GRB14: variants seen among roughly 807,000 people sequenced by gnomAD.
The protein encoded by GRB14 is growth factor receptor-bound protein 14.
A neutral mutation model predicts 69.1 loss-of-function variants in GRB14; 38 were observed. That is an observed-to-expected ratio of 0.55 (90% CI 0.42 to 0.72). The LOEUF is 0.72. GRB14 is among the 30% of genes least tolerant of loss of function. The probability of loss-of-function intolerance (pLI) is 0.00; values close to 1 mark genes in which losing one functional copy is unlikely to be tolerated. For missense variants in GRB14, 666 were observed against 666.1 expected, an observed-to-expected ratio of 1.00 and a Z score of 0.00; for synonymous variants, 247 against 241.3, an observed-to-expected ratio of 1.02 and a Z score of -0.22.
intron 2 of GRB14, among the ~76,000 whole-genome samples, chr2:164,565,571 AC>A (rs1688950556): frequency 6.6e-6 from 1 of 152,206 alleles, no homozygotes; most frequent in Admixed American, 6.5e-5. Context: ...AAGTCACTCA[AC>A]ACCCAAGAGA....
chr2:164,497,517 A>T, intron 9 of GRB14, 27 bp from the exon 10 acceptor site: 1 of 1,370,282 alleles, frequency 7.3e-7, no homozygotes, highest in South Asian at 1.2e-5. Flanking sequence ...CATTTGAGTT[A>T]TGAAAATTTC....
intron 2 of GRB14, among the ~76,000 whole-genome samples, chr2:164,587,351 C>T (rs73028084): frequency 0.056 from 8,542 of 152,174 alleles, 823 homozygotes; most frequent in African/African-American, 0.19. Flanking sequence ...AATCAACATC[C>T]TTTATGTCTC....
chr2:164,524,508 G>A (rs965410924), intron 5 of GRB14, among the ~76,000 whole-genome samples: 1 of 152,046 alleles, frequency 6.6e-6, no homozygotes, highest in East Asian at 1.9e-4. Flanking sequence ...ACAATTCTAT[G>A]CAAGGATTTC....
chr2:164,525,158 C>CA, intron 4 of GRB14, 80 bp from the exon 5 acceptor site: 2 of 975,366 alleles, frequency 2.1e-6, no homozygotes, highest in South Asian at 2.9e-5. Context: ...TAATCAAAAG[C>CA]AAAAGTTCTT....
intron 3 of GRB14, among the ~76,000 whole-genome samples, chr2:164,534,998 A>G (rs903687328): frequency 6.6e-6 from 1 of 152,224 alleles, no homozygotes; most frequent in African/African-American, 2.4e-5. Flanking sequence ...TTTTTCGGGC[A>G]TTGGAAAGTA....
intron 2 of GRB14, among the ~76,000 whole-genome samples, chr2:164,559,043 T>C (rs1688754565): frequency 6.6e-6 from 1 of 152,200 alleles, no homozygotes; most frequent in Non-Finnish European, 1.5e-5. Flanking sequence ...TATAGTTTTA[T>C]TGGAAGTATA....
intron 3 of GRB14, among the ~76,000 whole-genome samples, chr2:164,533,970 T>A (rs1051735682): frequency 1.3e-5 from 2 of 152,210 alleles, no homozygotes; most frequent in African/African-American, 4.8e-5. Flanking sequence ...AGTATTTACA[T>A]ACTGCAATTA....
At chr2:164,512,585 G>T (rs957589849) in intron 6 of GRB14, among the ~76,000 whole-genome samples, 3 of 152,198 alleles carry the variant, frequency 2.0e-5, no homozygotes, top group African/African-American at 4.8e-5. Flanking sequence ...GCTTCACTAC[G>T]TGCTGACTGT....
At chr2:164,595,583 T>C (rs1689763139) in intron 2 of GRB14, among the ~76,000 whole-genome samples, 1 of 152,144 alleles carries the variant, frequency 6.6e-6, no homozygotes, top group Admixed American at 6.5e-5. Context: ...ACAGAGGGTT[T>C]TGTAAGAAAC....
intron 2 of GRB14, among the ~76,000 whole-genome samples, chr2:164,587,255 T>C (rs553410702): frequency 3.4e-4 from 52 of 152,272 alleles, no homozygotes; most frequent in Non-Finnish European, 5.4e-4. Context: ...GTCTTCAAAG[T>C]TGACTTTAGA....
At chr2:164,591,872 AGG>A (rs1689672312) in intron 2 of GRB14, among the ~76,000 whole-genome samples, 2 of 152,144 alleles carry the variant, frequency 1.3e-5, no homozygotes, top group South Asian at 4.2e-4. Flanking sequence ...GTGTTGTGGG[AGG>A]GACCCAGTGG....
At chr2:164,528,740 C>G (rs190582956) in intron 3 of GRB14, among the ~76,000 whole-genome samples, 127 of 152,244 alleles carry the variant, frequency 8.3e-4, no homozygotes, top group African/African-American at 2.8e-3. Flanking sequence ...CTTCAACCAT[C>G]TAATTTGTCA....
chr2:164,561,401 A>G (rs747878438), intron 2 of GRB14, among the ~76,000 whole-genome samples: 1 of 152,190 alleles, frequency 6.6e-6, no homozygotes, highest in Non-Finnish European at 1.5e-5. Context: ...AGAGACCCCT[A>G]CAGTCCTGTT....
chr2:164,619,224 G>T (rs1690381119), intron 2 of GRB14, among the ~76,000 whole-genome samples: 2 of 152,164 alleles, frequency 1.3e-5, no homozygotes, highest in Admixed American at 6.5e-5. Flanking sequence ...AATACCTTTT[G>T]CCACAGCATC....
chr2:164,516,625 G>A (rs925315920), intron 6 of GRB14, among the ~76,000 whole-genome samples: 8 of 152,152 alleles, frequency 5.3e-5, no homozygotes, highest in East Asian at 3.9e-4. Flanking sequence ...TGTATCCAGC[G>A]AAACTAAGCA....
intron 2 of GRB14, among the ~76,000 whole-genome samples, chr2:164,568,006 C>T (rs1479479542): frequency 6.6e-6 from 1 of 151,898 alleles, no homozygotes; most frequent in Non-Finnish European, 1.5e-5. Context: ...AACAAAGAGG[C>T]TTGAAGTTAC....
chr2:164,597,708 A>G (rs1689816808), intron 2 of GRB14, among the ~76,000 whole-genome samples: 1 of 152,036 alleles, frequency 6.6e-6, no homozygotes, highest in African/African-American at 2.4e-5. Flanking sequence ...AGACAGAAGG[A>G]AGAAAGGAGT....
At chr2:164,520,682 C>G (rs1687613099) in intron 6 of GRB14, among the ~76,000 whole-genome samples, 1 of 151,728 alleles carries the variant, frequency 6.6e-6, no homozygotes, top group African/African-American at 2.4e-5. Flanking sequence ...AGAATCCCAT[C>G]AAAAAGTACG....
Position 164,547,774 on chromosome 2 carries a change from C to A in GRB14, c.367G>T (p.Asp123Tyr). The A allele has an allele frequency of 6.2e-7, 1 of 1,613,748 alleles. No homozygotes were observed. The highest frequency in any genetic ancestry group is 8.5e-7 in the Non-Finnish European group (1 of 1,179,772). The change falls in exon 3 of 14, where the codon GAT becomes TAT. Residue 123 changes from aspartate (D) to tyrosine (Y), a missense_variant. By Grantham distance (160) the Asp-to-Tyr change is radical (BLOSUM62 -3). Transcript: ENST00000263915. ...CGAGCCGTTATGTCACTGGGTACAT[C>A]TAAAGCCCTGCTGGTTTCATCTTCA... is the stretch of plus-strand genomic sequence containing the variant. ...YSEDETSRAL[D>Y]VPSDITARDV...
Sources: allele counts gnomAD v4.1 joint callset (sites outside exome capture counted in the v4.1 genomes callset), GRCh38; gene constraint gnomAD v4.1.1; transcripts MANE v1.5; gene names NCBI Gene and HGNC (gene_info 2026-07-23, HGNC 2026-07-21).